Variants in ZFHX3 observed in about 807,000 individuals in gnomAD.
The protein encoded by ZFHX3 is zinc finger homeobox 3, also known as zinc finger homeobox protein 3.
A neutral mutation model predicts 279.1 loss-of-function variants in ZFHX3; 42 were observed. The observed-to-expected ratio is 0.15, with a 90% CI of 0.12 to 0.19. ZFHX3 has a LOEUF of 0.19. Ranked by LOEUF, ZFHX3 falls within the 10% of genes least tolerant of loss-of-function variation. The probability of loss-of-function intolerance (pLI) is 1.00; values close to 1 mark genes in which losing one functional copy is unlikely to be tolerated. For missense variants in ZFHX3, 4,981 were observed against 4,754.0 expected, an observed-to-expected ratio of 1.05 and a Z score of -1.40; for synonymous variants, 2,293 against 1,957.8, an observed-to-expected ratio of 1.17 and a Z score of -4.52.
Position 72,796,338 on chromosome 16 carries a change from G to A in ZFHX3, c.6344C>T (p.Pro2115Leu). The A allele has an allele frequency of 6.2e-7, 1 of 1,614,094 alleles. No homozygotes were observed. The highest frequency in any genetic ancestry group is 8.5e-7 in the Non-Finnish European group (1 of 1,180,018). ...AGGCTCCACAGGTCCCAGCTGCGGG[G>A]GTAGCTGAGCCGGCAAGGTCTGCAG... ...MPLQTLPAQL[P>L]PQLGPVEPLP... is the part of the protein sequence containing the mutation. The change falls in exon 9 of 10, where the codon CCC (proline) becomes CTC (leucine). Residue 2115 changes from proline to leucine, a missense_variant. Physicochemically the swap from Pro to Leu is moderately conservative, Grantham distance 98 (BLOSUM62 -3). Transcript: ENST00000268489.
chr16:73,146,749 A>G (rs1037545296), intron 5 of ZFHX3, among the ~76,000 whole-genome samples: 3 of 152,082 alleles, frequency 2.0e-5, no homozygotes, highest in Non-Finnish European at 4.4e-5. Context: ...TTGACCTCCC[A>G]GGCTCAAGCA....
At chr16:73,384,994 C>G (rs537872192) in intron 3 of ZFHX3, among the ~76,000 whole-genome samples, 22 of 152,278 alleles carry the variant, frequency 1.4e-4, no homozygotes, top group Non-Finnish European at 2.6e-4. Context: ...AAACAATGTT[C>G]TCTCTTTCCT....
At chr16:73,386,893 G>T (rs991369289) in intron 3 of ZFHX3, 6 of 152,166 alleles carry the variant, frequency 3.9e-5, no homozygotes, top group Non-Finnish European at 5.9e-5. Context: ...CTTCTATTTT[G>T]TCAGGGGTGG....
intron 3 of ZFHX3, among the ~76,000 whole-genome samples, chr16:73,355,739 C>G (rs1180693301): frequency 1.3e-5 from 2 of 152,202 alleles, no homozygotes; most frequent in African/African-American, 4.8e-5. Flanking sequence ...TTGGGCAAGT[C>G]GCTTCACATC....
rs16972164 is a variant in ZFHX3 at position 73,543,542 on chromosome 16, G to A, written c.-1546-87284C>T. Among the ~76,000 whole-genome samples, 719 of 152,268 alleles carry A rather than the reference G, an allele frequency of 4.7e-3. 4 individuals carry two copies. The highest frequency in any genetic ancestry group is 0.017 in the African/African-American group (696 of 41,538). ...GCAGCGGGGAGATGTAAGAGCCGTG[G>A]TGTAAAGGGAGCAGCTGGGAATCCA... On this transcript the variant is annotated intron_variant, in intron 2 of 17. Coordinates refer to the ZFHX3 transcript ENST00000641206.
Position 73,153,707 on chromosome 16 carries a change from T to A in ZFHX3, c.-1103-9876A>T, listed in dbSNP as rs560013678. Among the ~76,000 whole-genome samples the A allele has an allele frequency of 3.9e-5, 6 of 152,242 alleles. No individual in the cohort carries two copies. In the South Asian group the frequency reaches 1.2e-3, roughly 32 times the overall value. ...GTCCTGTCGCCAGGCTGGAGTGCAG[T>A]GGCGTGATCTCGGTTCACTGCAACC... On this transcript the variant is annotated intron_variant, in intron 5 of 17. Transcript: ENST00000641206.
intron 1 of ZFHX3, among the ~76,000 whole-genome samples, chr16:73,003,513 C>T (rs1567627586): frequency 1.8e-5 from 1 of 54,846 alleles, no homozygotes; most frequent in Non-Finnish European, 3.7e-5. Context: ...CATGGTGAGA[C>T]CCCCCCCTCC....
chr16:73,243,986 G>A (rs535316380), intron 5 of ZFHX3, among the ~76,000 whole-genome samples: 1 of 152,184 alleles, frequency 6.6e-6, no homozygotes, highest in Non-Finnish European at 1.5e-5. Flanking sequence ...TTGGATGTGA[G>A]GTCTGTTTTA....
chr16:73,343,285 C>T (rs202107312), intron 3 of ZFHX3, among the ~76,000 whole-genome samples: 2 of 151,096 alleles, frequency 1.3e-5, no homozygotes, highest in Non-Finnish European at 1.5e-5. Flanking sequence ...TTAATGATAT[C>T]CCAGTAGCCC....
At chr16:73,431,447 G>A (rs1232219376) in intron 3 of ZFHX3, among the ~76,000 whole-genome samples, 2 of 152,022 alleles carry the variant, frequency 1.3e-5, no homozygotes, top group Admixed American at 1.3e-4. Context: ...AGGCTGAGGC[G>A]GCAGAATCAC....
At chr16:73,297,177 A>G (rs1285937500) in intron 4 of ZFHX3, among the ~76,000 whole-genome samples, 1 of 151,920 alleles carries the variant, frequency 6.6e-6, no homozygotes, top group Non-Finnish European at 1.5e-5. Flanking sequence ...GCGCCGAGCC[A>G]GCAGGAATGA....
At chr16:72,836,634 C>T (rs2037199344) in intron 4 of ZFHX3, among the ~76,000 whole-genome samples, 1 of 152,116 alleles carries the variant, frequency 6.6e-6, no homozygotes, top group Non-Finnish European at 1.5e-5. Context: ...TGGAAGTCCT[C>T]TGTGGATAAT....
Position 72,788,127 on chromosome 16 carries a change from T to TAGTTGCCGCTGCTGC in ZFHX3, c.10134_10148dup (p.Arg3381_Gln3385dup). 9 of 1,596,558 alleles carry TAGTTGCCGCTGCTGC rather than the reference T, an allele frequency of 5.6e-6. No homozygotes were observed. The highest frequency in any genetic ancestry group is 7.7e-6 in the Non-Finnish European group (9 of 1,167,812). ...GCACTTTTTGCTGCTGCTGCTGCTG[T>TAGTTGCCGCTGCTGC]AGTTGCCGCTGCTGCTGCTGCTGAA... On this transcript the variant is annotated inframe_insertion, in exon 10 of 10. Transcript: ENST00000268489.
At chr16:73,089,950 A>C (rs1567660462) in intron 8 of ZFHX3, among the ~76,000 whole-genome samples, 1 of 152,190 alleles carries the variant, frequency 6.6e-6, no homozygotes, top group Non-Finnish European at 1.5e-5. Context: ...TCCTACACAC[A>C]ATGCACAAAA....
intron 1 of ZFHX3, chr16:73,015,853 A>C (rs542274848): frequency 1.3e-5 from 2 of 152,372 alleles, no homozygotes; most frequent in East Asian, 1.9e-4. Flanking sequence ...ACCACATCAG[A>C]AGCTGGCTGC....
At chr16:73,346,361 CCT>C (rs1312407848) in intron 3 of ZFHX3, among the ~76,000 whole-genome samples, 1 of 152,182 alleles carries the variant, frequency 6.6e-6, no homozygotes, top group East Asian at 1.9e-4. Context: ...CACAGGGCCC[CCT>C]TTGTCTGGGC....
chr16:73,609,639 G>A (rs986175144), intron 2 of ZFHX3: 3 of 152,058 alleles, frequency 2.0e-5, no homozygotes, highest in Non-Finnish European at 4.4e-5. Context: ...GTAACTTGAT[G>A]GATGGATGGA....
intron 3 of ZFHX3, among the ~76,000 whole-genome samples, chr16:72,903,248 G>C (rs1412170662): frequency 6.6e-6 from 1 of 152,200 alleles, no homozygotes; most frequent in Non-Finnish European, 1.5e-5. Flanking sequence ...GCTTGGCTTA[G>C]AGCAGGGAGT....
intron 2 of ZFHX3, among the ~76,000 whole-genome samples, chr16:73,665,680 T>A (rs1414416457): frequency 2.6e-5 from 4 of 151,886 alleles, no homozygotes; most frequent in African/African-American, 9.7e-5. Flanking sequence ...GATAATTCAT[T>A]TTAAAAGCAG....
Sources: allele counts gnomAD v4.1 joint callset (sites outside exome capture counted in the v4.1 genomes callset), GRCh38; gene constraint gnomAD v4.1.1; transcripts MANE v1.5; gene names NCBI Gene and HGNC (gene_info 2026-07-23, HGNC 2026-07-21).